The following KCNIP4 variants were observed in gnomAD, a reference collection of about 807,000 sequenced individuals.
The protein encoded by KCNIP4 is potassium voltage-gated channel interacting protein 4.
Under a neutral mutation model 34.0 loss-of-function variants are expected in KCNIP4, and 12 were observed. That is an observed-to-expected ratio of 0.35 (90% CI 0.23 to 0.57). The LOEUF (loss-of-function observed/expected upper bound fraction) is 0.57. Among genes scored for constraint, KCNIP4 ranks in the 20% least tolerant of loss-of-function variants. The probability of loss-of-function intolerance (pLI) is 0.83; values close to 1 mark genes in which losing one functional copy is unlikely to be tolerated. For missense variants in KCNIP4, 238 were observed against 311.7 expected (o/e 0.76, Z 1.78); for synonymous variants, 124 against 102.2 (o/e 1.21, Z -1.29).
At chr4:20,907,178 C>G (rs573169645) in intron 1 of KCNIP4, among the ~76,000 whole-genome samples, 41 of 152,192 alleles carry the variant, frequency 2.7e-4, no homozygotes, top group African/African-American at 9.6e-4. Context: ...ATAACTTGAC[C>G]CTTGAGGTTT....
chr4:20,991,362 G>C (rs1737068509), intron 1 of KCNIP4, among the ~76,000 whole-genome samples: 1 of 152,130 alleles, frequency 6.6e-6, no homozygotes, highest in Admixed American at 6.5e-5. Flanking sequence ...AAACACAAAT[G>C]AGATGAGGGA....
At chr4:21,367,321 T>C (rs1719885008) in intron 1 of KCNIP4, among the ~76,000 whole-genome samples, 1 of 152,216 alleles carries the variant, frequency 6.6e-6, no homozygotes, top group African/African-American at 2.4e-5. Context: ...ACCTGTTTTC[T>C]TGTATCTGAT....
At chr4:21,070,118 A>G (rs1484495543) in intron 1 of KCNIP4, among the ~76,000 whole-genome samples, 1 of 152,152 alleles carries the variant, frequency 6.6e-6, no homozygotes, top group African/African-American at 2.4e-5. Context: ...TGGAGTTTTC[A>G]CTCAATATAA....
chr4:21,923,427 C>T (rs1033548594), intron 1 of KCNIP4, among the ~76,000 whole-genome samples: 3 of 151,950 alleles, frequency 2.0e-5, no homozygotes, highest in South Asian at 2.1e-4. Flanking sequence ...ATTAAAAATA[C>T]AAAAATTAGC....
At chr4:21,609,841 C>T (rs1194798372) in intron 1 of KCNIP4, among the ~76,000 whole-genome samples, 2 of 152,214 alleles carry the variant, frequency 1.3e-5, no homozygotes, top group African/African-American at 4.8e-5. Context: ...GTGGTTATCA[C>T]ATTTAATACT....
At chr4:20,806,039 A>C (rs1715033204) in intron 3 of KCNIP4, among the ~76,000 whole-genome samples, 1 of 152,100 alleles carries the variant, frequency 6.6e-6, no homozygotes. Context: ...TTATGTTTTT[A>C]AATAATAATT....
intron 1 of KCNIP4, among the ~76,000 whole-genome samples, chr4:21,878,295 CT>C: frequency 6.6e-6 from 1 of 152,206 alleles, no homozygotes; most frequent in South Asian, 2.1e-4. Context: ...AGGCTGGTCT[CT>C]AACTCCTAAT....
chr4:21,857,941 C>T (rs557952954), intron 1 of KCNIP4, among the ~76,000 whole-genome samples: 6 of 152,322 alleles, frequency 3.9e-5, no homozygotes, highest in African/African-American at 1.4e-4. Flanking sequence ...TTCTGAATGC[C>T]ACCACATTCC....
chr4:21,778,542 T>C (rs528749030), intron 1 of KCNIP4, among the ~76,000 whole-genome samples: 35 of 151,862 alleles, frequency 2.3e-4, no homozygotes, highest in African/African-American at 8.2e-4. Context: ...ATATTTTTTG[T>C]TTGTTTTTGT....
chr4:21,437,292 T>A (rs1727026741), intron 1 of KCNIP4, among the ~76,000 whole-genome samples: 1 of 152,240 alleles, frequency 6.6e-6, no homozygotes, highest in South Asian at 2.1e-4. Flanking sequence ...TTAGCACAGC[T>A]GTTTTCAACA....
chr4:21,838,508 T>C (rs566583551), intron 1 of KCNIP4, among the ~76,000 whole-genome samples: 3 of 152,224 alleles, frequency 2.0e-5, no homozygotes, highest in Non-Finnish European at 4.4e-5. Context: ...ACTTCCTTAG[T>C]GAATTTCTTC....
chr4:21,435,780 C>A (rs947211314), intron 1 of KCNIP4, among the ~76,000 whole-genome samples: 1 of 152,140 alleles, frequency 6.6e-6, no homozygotes, highest in Non-Finnish European at 1.5e-5. Context: ...CAATTCTTAA[C>A]CGCAGAATGT....
intron 1 of KCNIP4, among the ~76,000 whole-genome samples, chr4:21,611,014 T>C (rs1744118330): frequency 1.3e-5 from 2 of 151,808 alleles, no homozygotes; most frequent in South Asian, 4.2e-4. Flanking sequence ...TTCTCCTCCC[T>C]GTGTCCATGT....
chr4:21,819,079 C>T (rs1722165933), intron 1 of KCNIP4, among the ~76,000 whole-genome samples: 1 of 152,204 alleles, frequency 6.6e-6, no homozygotes. Flanking sequence ...TAAATTTCTT[C>T]ATAAAGTTTC....
chr4:21,834,983 G>A (rs2109311004), intron 1 of KCNIP4, among the ~76,000 whole-genome samples: 1 of 152,158 alleles, frequency 6.6e-6, no homozygotes, highest in Admixed American at 6.5e-5. Flanking sequence ...TGTGCTGCTG[G>A]ATTCGATTTG....
At chr4:21,274,289 T>G (rs1161179008) in intron 1 of KCNIP4, among the ~76,000 whole-genome samples, 1 of 152,262 alleles carries the variant, frequency 6.6e-6, no homozygotes, top group Non-Finnish European at 1.5e-5. Context: ...ACAGAAAAAC[T>G]ATCCTTGAAT....
intron 1 of KCNIP4, among the ~76,000 whole-genome samples, chr4:21,729,511 T>C (rs766144175): frequency 6.6e-6 from 1 of 152,152 alleles, no homozygotes; most frequent in Non-Finnish European, 1.5e-5. Flanking sequence ...TCCTTTCACA[T>C]AAATGCACAG....
At chr4:21,752,293 G>T (rs1239662349) in intron 1 of KCNIP4, among the ~76,000 whole-genome samples, 1 of 152,094 alleles carries the variant, frequency 6.6e-6, no homozygotes, top group Non-Finnish European at 1.5e-5. Context: ...GGCTGAGGGG[G>T]GCGCCTCAGG....
At chr4:21,276,414 C>CTGG (rs1762445343) in intron 1 of KCNIP4, among the ~76,000 whole-genome samples, 1 of 145,050 alleles carries the variant, frequency 6.9e-6, no homozygotes, top group African/African-American at 2.6e-5. Context: ...GTTGGCCAGG[C>CTGG]TGGTCTCGAA....
Sources: gnomAD v4.1 joint callset for allele counts (sites outside exome capture counted in the v4.1 genomes callset) on GRCh38, gnomAD v4.1.1 for gene constraint, MANE v1.5 for transcripts, NCBI Gene and HGNC (gene_info 2026-07-23, HGNC 2026-07-21) for gene names.